Variants in CNTNAP2 observed in about 807,000 individuals in gnomAD.
CNTNAP2 encodes the protein contactin associated protein 2, also known as contactin-associated protein-like 2.
Under a neutral mutation model 155.2 loss-of-function variants are expected in CNTNAP2, and 98 were observed. That is an observed-to-expected ratio of 0.63 (90% CI 0.54 to 0.75). The LOEUF is 0.75. Ranked by LOEUF, CNTNAP2 falls within the 30% of genes least tolerant of loss-of-function variation. CNTNAP2 has a pLI of 0.00. For missense variants in CNTNAP2, 1,727 were observed against 1,688.1 expected (o/e 1.02, Z -0.40); for synonymous variants, 651 against 631.2 (o/e 1.03, Z -0.47).
intron 1 of CNTNAP2, among the ~76,000 whole-genome samples, chr7:146,548,520 T>G (rs553691373): frequency 6.6e-6 from 1 of 152,164 alleles, no homozygotes; most frequent in Admixed American, 6.5e-5. Flanking sequence ...GCTTTTTTCA[T>G]AATCACCATC....
At chr7:146,590,407 C>G (rs1467937175) in intron 1 of CNTNAP2, among the ~76,000 whole-genome samples, 2 of 152,098 alleles carry the variant, frequency 1.3e-5, no homozygotes, top group African/African-American at 2.4e-5. Context: ...TTTTTAATGA[C>G]AATGATCATG....
intron 9 of CNTNAP2, chr7:147,377,991 C>A: frequency 2.1e-6 from 1 of 466,330 alleles, no homozygotes; most frequent in South Asian, 1.6e-5. Context: ...TTAATTGATT[C>A]TCCATCATTC....
chr7:146,715,857 C>T (rs1390327896), intron 1 of CNTNAP2, among the ~76,000 whole-genome samples: 4 of 152,092 alleles, frequency 2.6e-5, no homozygotes, highest in African/African-American at 9.7e-5. Context: ...CAGTCTATGT[C>T]ATGTTCATCT....
At chr7:146,525,560 C>G (rs1797677084) in intron 1 of CNTNAP2, among the ~76,000 whole-genome samples, 1 of 147,418 alleles carries the variant, frequency 6.8e-6, no homozygotes, top group Non-Finnish European at 1.5e-5. Flanking sequence ...ATCTATCTAT[C>G]TATCTATCTA....
rs1446294739 is a variant in CNTNAP2, at chr7:147,099,213, G to A, written c.551-8934G>A. Among the ~76,000 whole-genome samples, 8 of 152,144 alleles carry A rather than the reference G, an allele frequency of 5.3e-5. No homozygotes were observed. In the South Asian group the frequency reaches 8.3e-4, roughly 16 times the overall value. On this transcript the variant is annotated intron_variant, in intron 4 of 23. Transcript: ENST00000361727. The stretch of plus-strand genomic sequence containing the variant: ...TGATTCTGGGATGAATAGGGAAGAC[G>A]GATCATGGTCCAGAAGAGAGAAAGC...
intron 1 of CNTNAP2, among the ~76,000 whole-genome samples, chr7:146,669,703 A>G (rs1014409796): frequency 1.1e-4 from 17 of 152,212 alleles, no homozygotes; most frequent in African/African-American, 4.1e-4. Flanking sequence ...CTGGGGCAGC[A>G]ATATGAAGGT....
chr7:146,350,692 G>T (rs960010774), intron 1 of CNTNAP2, among the ~76,000 whole-genome samples: 1 of 151,930 alleles, frequency 6.6e-6, no homozygotes, highest in Admixed American at 6.6e-5. Context: ...TATACCCAAA[G>T]GATTATAAAT....
At chr7:147,576,424 G>T (rs978463641) in intron 12 of CNTNAP2, among the ~76,000 whole-genome samples, 2 of 152,082 alleles carry the variant, frequency 1.3e-5, no homozygotes, top group African/African-American at 4.8e-5. Flanking sequence ...AAGTCCAAGT[G>T]CTCTATCCTT....
chr7:147,662,658 T>G (rs543768774), intron 13 of CNTNAP2, among the ~76,000 whole-genome samples: 11 of 152,208 alleles, frequency 7.2e-5, no homozygotes, highest in African/African-American at 2.4e-4. Flanking sequence ...TTATTCCTAC[T>G]GGTGATAACT....
chr7:146,937,162 C>G (rs1435938840), intron 3 of CNTNAP2, among the ~76,000 whole-genome samples: 1 of 151,614 alleles, frequency 6.6e-6, no homozygotes, highest in African/African-American at 2.4e-5. Context: ...CCAAGGCAGG[C>G]GGATCACGAG....
chr7:148,275,027 T>C (rs2116851651), intron 21 of CNTNAP2, among the ~76,000 whole-genome samples: 1 of 152,300 alleles, frequency 6.6e-6, no homozygotes, highest in Non-Finnish European at 1.5e-5. Flanking sequence ...TGTATACTCA[T>C]CATATGTCAG....
chr7:147,361,816 T>A (rs529384947), intron 9 of CNTNAP2, among the ~76,000 whole-genome samples: 13 of 152,314 alleles, frequency 8.5e-5, no homozygotes, highest in African/African-American at 2.6e-4. Flanking sequence ...GTCACCTTTT[T>A]TATTTTTAAC....
intron 1 of CNTNAP2, among the ~76,000 whole-genome samples, chr7:146,697,753 G>C (rs1310215909): frequency 6.6e-6 from 1 of 151,944 alleles, no homozygotes; most frequent in Non-Finnish European, 1.5e-5. Context: ...AAGCTCTTTT[G>C]ATTGGTATAT....
chr7:146,554,993 G>T (rs1230233793), intron 1 of CNTNAP2, among the ~76,000 whole-genome samples: 2 of 152,112 alleles, frequency 1.3e-5, no homozygotes, highest in East Asian at 3.8e-4. Context: ...AAGAAAATGG[G>T]GTAAAGAGAG....
intron 1 of CNTNAP2, among the ~76,000 whole-genome samples, chr7:146,404,139 A>AAAAAC (rs58435059): frequency 0.064 from 9,467 of 147,276 alleles, 499 homozygotes; most frequent in Middle Eastern, 0.1. Flanking sequence ...AAAAAAAAAA[A>AAAAAC]AAACAAAGAA....
intron 15 of CNTNAP2, among the ~76,000 whole-genome samples, chr7:148,075,627 A>C (rs989055473): frequency 6.6e-6 from 1 of 152,190 alleles, no homozygotes; most frequent in South Asian, 2.1e-4. Flanking sequence ...CAGCAACAAC[A>C]ACAAAAATTA....
intron 1 of CNTNAP2, among the ~76,000 whole-genome samples, chr7:146,161,499 A>C (rs1292943124): frequency 2.0e-5 from 3 of 152,230 alleles, no homozygotes; most frequent in African/African-American, 7.2e-5. Context: ...ACCACTGCTC[A>C]ACGAAATAAA....
chr7:147,443,282 T>G (rs141813452), intron 10 of CNTNAP2, among the ~76,000 whole-genome samples: 1 of 152,234 alleles, frequency 6.6e-6, no homozygotes, highest in African/African-American at 2.4e-5. Flanking sequence ...GATCTGGTTT[T>G]CCTTTCTGCT....
chr7:146,245,398 A>G (rs1202614955), intron 1 of CNTNAP2, among the ~76,000 whole-genome samples: 4 of 152,164 alleles, frequency 2.6e-5, no homozygotes, highest in African/African-American at 9.7e-5. Context: ...GTTATGAGAA[A>G]TGTAGAGAGT....
Sources: gnomAD v4.1 joint callset for allele counts (sites outside exome capture counted in the v4.1 genomes callset) on GRCh38, gnomAD v4.1.1 for gene constraint, MANE v1.5 for transcripts, NCBI Gene and HGNC (gene_info 2026-07-23, HGNC 2026-07-21) for gene names.